The following PPIG variants were observed in gnomAD, a reference collection of about 807,000 sequenced individuals.
The protein encoded by PPIG is peptidyl-prolyl cis-trans isomerase G.
PPIG carries 26 observed loss-of-function variants against 87.9 expected under a neutral mutation model. The observed-to-expected ratio is 0.30, with a 90% CI of 0.22 to 0.41. The LOEUF is 0.41. PPIG is among the 10% of genes least tolerant of loss of function. PPIG has a pLI of 1.00. For synonymous variants in PPIG, 308 were observed against 276.5 expected, an observed-to-expected ratio of 1.11 and a Z score of -1.13; for missense variants, 722 against 879.4, an observed-to-expected ratio of 0.82 and a Z score of 2.26.
At chr2:169,594,762 T>G (rs2592805) in intron 1 of PPIG, among the ~76,000 whole-genome samples, 60,761 of 150,766 alleles carry the variant, frequency 0.4, 12,872 homozygotes, top group East Asian at 0.58. Flanking sequence ...GTAGCTGGGA[T>G]TACAGGTGCA....
At chr2:169,634,783 C>T (rs1223818775) in intron 12 of PPIG, among the ~76,000 whole-genome samples, 2 of 152,206 alleles carry the variant, frequency 1.3e-5, no homozygotes, top group East Asian at 3.9e-4. Context: ...CAAGCTTTAC[C>T]CCTGCCATGT....
chr2:169,637,640 C>A lies in PPIG; in HGVS notation c.*117C>A. ...TGTTTTTGGATTGTTTTATGTTTGTCCTTTTTTTTCTTAATGTGGATTTCA... is the reference window on the plus strand; with the variant it reads ...TGTTTTTGGATTGTTTTATGTTTGTACTTTTTTTTCTTAATGTGGATTTCA... On this transcript the variant is annotated 3_prime_UTR_variant, in exon 14 of 14. Coordinates refer to ENST00000260970, the MANE Select transcript of PPIG (RefSeq NM_004792.3). 9.1e-7 allele frequency: 1 copy of A among 1,094,270 alleles called. No individual in the cohort carries two copies. Among genetic ancestry groups the A allele is most frequent in the Non-Finnish European group, 1.2e-6 (1 of 803,716 alleles). 67.8% of individuals were successfully genotyped at this position (1,094,270 alleles called of 1,614,324 possible). A position where few individuals can be genotyped will look rare whatever the true frequency, so the allele number is the denominator to read the frequency against.
At chr2:169,605,901 TA>T (rs953841575) in intron 4 of PPIG, 137 bp from the exon 5 acceptor site, 81 of 626,104 alleles carry the variant, frequency 1.3e-4, no homozygotes, top group Middle Eastern at 4.3e-4. Flanking sequence ...AATGAATTTT[TA>T]AAAAAAAATT....
intron 4 of PPIG, 42 bp from the exon 5 acceptor site, chr2:169,605,997 G>T: frequency 1.4e-6 from 2 of 1,429,680 alleles, no homozygotes; most frequent in South Asian, 2.4e-5. Flanking sequence ...ATACTACTTT[G>T]ATTTCCTTTC....
At chr2:169,605,226 C>G (rs529191655) in intron 4 of PPIG, among the ~76,000 whole-genome samples, 1 of 151,870 alleles carries the variant, frequency 6.6e-6, no homozygotes, top group Non-Finnish European at 1.5e-5. Context: ...CCCAGCTACT[C>G]GGGAGGCTCA....
chr2:169,628,167 A>C (rs1423016686), intron 9 of PPIG, among the ~76,000 whole-genome samples: 1 of 152,152 alleles, frequency 6.6e-6, no homozygotes, highest in Non-Finnish European at 1.5e-5. Context: ...TTAAGAAAGG[A>C]TATAGGGCAG....
At chr2:169,613,341 G>A (rs927534895) in intron 7 of PPIG, among the ~76,000 whole-genome samples, 2 of 152,090 alleles carry the variant, frequency 1.3e-5, no homozygotes, top group African/African-American at 2.4e-5. Context: ...AATTTTTTCA[G>A]TGGTATTGTA....
chr2:169,597,467 G>A (rs1283830654), intron 1 of PPIG, among the ~76,000 whole-genome samples: 3 of 148,176 alleles, frequency 2.0e-5, no homozygotes, highest in Non-Finnish European at 4.5e-5. Flanking sequence ...CCCCACTTTC[G>A]TTTTTCTCTC....
intron 9 of PPIG, among the ~76,000 whole-genome samples, chr2:169,629,334 C>G (rs984924487): frequency 8.5e-5 from 13 of 152,116 alleles, no homozygotes; most frequent in Non-Finnish European, 1.9e-4. Flanking sequence ...TTCTTAAAAA[C>G]AGTACCATAA....
In PPIG at chr2:169,639,855, TC is replaced by T. The variant is rs1686272711; in HGVS notation, c.*2334del. The T allele has an allele frequency of 6.6e-6, 1 of 152,150 alleles. No homozygotes were observed. The highest frequency in any genetic ancestry group is 2.4e-5 in the African/African-American group (1 of 41,446). 9.4% of individuals were successfully genotyped at this position (152,150 alleles called of 1,614,324 possible). A position where few individuals can be genotyped will look rare whatever the true frequency, so the allele number is the denominator to read the frequency against. On this transcript the variant is annotated 3_prime_UTR_variant, in exon 14 of 14. Transcript: ENST00000260970. ...TTAGTTTTTGCTTTGAACATTGTTTTCCTAAAAGTCAACTATTACTTTCCCA... is the reference window on the plus strand; with the variant it reads ...TTAGTTTTTGCTTTGAACATTGTTTTCTAAAAGTCAACTATTACTTTCCCA...
intron 7 of PPIG, among the ~76,000 whole-genome samples, chr2:169,613,678 C>T (rs1487044342): frequency 1.3e-5 from 2 of 152,122 alleles, no homozygotes; most frequent in Non-Finnish European, 2.9e-5. Context: ...CTTGTAATCC[C>T]AGCACTTTGA....
Position 169,584,404 on chromosome 2 carries a change from C to T in PPIG, c.-156C>T, listed in dbSNP as rs921621308. 1 of 471,112 alleles carries T rather than the reference C, an allele frequency of 2.1e-6. No individual in the cohort carries two copies. Among genetic ancestry groups the T allele is most frequent in the Non-Finnish European group, 4.4e-6 (1 of 227,040 alleles). The allele number at this position is 471,112 out of a possible 1,614,324, so 29.2% of individuals were successfully genotyped here. A position where few individuals can be genotyped will look rare whatever the true frequency, so the allele number is the denominator to read the frequency against. On this transcript the variant is annotated 5_prime_UTR_variant, in exon 1 of 14. Transcript: ENST00000260970. ...AGTTGTGGGGGAGGGAGGCGGTTAGCGGGCTTTAGCGCCTTTTCTGGCGGC... is the reference window on the plus strand; with the variant it reads ...AGTTGTGGGGGAGGGAGGCGGTTAGTGGGCTTTAGCGCCTTTTCTGGCGGC...
intron 1 of PPIG, among the ~76,000 whole-genome samples, chr2:169,595,822 A>T (rs1013499223): frequency 6.6e-6 from 1 of 152,076 alleles, no homozygotes; most frequent in Non-Finnish European, 1.5e-5. Flanking sequence ...TTTGCTTTTG[A>T]GACTGAGTTT....
intron 9 of PPIG, among the ~76,000 whole-genome samples, chr2:169,628,360 A>G: frequency 6.6e-6 from 1 of 152,180 alleles, no homozygotes; most frequent in Admixed American, 6.5e-5. Context: ...CAGCTTTTAT[A>G]CCTTGTTCCC....
chr2:169,600,333 C>T (rs371026700), intron 1 of PPIG, among the ~76,000 whole-genome samples: 1 of 152,144 alleles, frequency 6.6e-6, no homozygotes, highest in Non-Finnish European at 1.5e-5. Context: ...CTTCAGCCCC[C>T]CAAAGGGCCG....
intron 6 of PPIG, 50 bp from the exon 7 acceptor site, chr2:169,608,621 T>C: frequency 8.0e-7 from 1 of 1,254,808 alleles, no homozygotes; most frequent in African/African-American, 1.5e-5. Context: ...AGATGAAATT[T>C]TTTTGGAGGT....
At chr2:169,615,814 G>A (rs1398729275) in intron 9 of PPIG, among the ~76,000 whole-genome samples, 2 of 152,148 alleles carry the variant, frequency 1.3e-5, no homozygotes, top group Non-Finnish European at 2.9e-5. Flanking sequence ...TATATACCCA[G>A]TAGTGGGATT....
In PPIG at chr2:169,602,346, C is replaced by T. The variant is rs149248879; in HGVS notation, c.-69-1296C>T. Among the ~76,000 whole-genome samples the T allele has an allele frequency of 9.3e-4, 141 of 152,198 alleles. 1 individual carries two copies. Among genetic ancestry groups the T allele is most frequent in the African/African-American group, 3.1e-3 (130 of 41,518 alleles). On this transcript the variant is annotated intron_variant, in intron 1 of 13. Coordinates refer to ENST00000260970, the MANE Select transcript of PPIG (RefSeq NM_004792.3). Reference sequence around the variant, plus strand: ...GGTTTTTGTTTGATTGTTTGAGTCTCGCTCTGTCCCCCAGGCTGGAGTGCA... The same window carrying T: ...GGTTTTTGTTTGATTGTTTGAGTCTTGCTCTGTCCCCCAGGCTGGAGTGCA...
chr2:169,622,879 C>G (rs1685793873), intron 9 of PPIG, among the ~76,000 whole-genome samples: 1 of 152,148 alleles, frequency 6.6e-6, no homozygotes, highest in Non-Finnish European at 1.5e-5. Flanking sequence ...AGCATTGTAA[C>G]ACTGTGGTAT....
Sources: gnomAD v4.1 joint callset for allele counts (sites outside exome capture counted in the v4.1 genomes callset) on GRCh38, gnomAD v4.1.1 for gene constraint, MANE v1.5 for transcripts, NCBI Gene and HGNC (gene_info 2026-07-23, HGNC 2026-07-21) for gene names.